Variants in BPTF observed in about 807,000 individuals in gnomAD.
BPTF encodes bromodomain PHD finger transcription factor, also known as nucleosome-remodeling factor subunit BPTF.
A neutral mutation model predicts 292.5 loss-of-function variants in BPTF; 18 were observed. That is an observed-to-expected ratio of 0.06 (90% CI 0.04 to 0.09). The LOEUF (loss-of-function observed/expected upper bound fraction) is 0.09, where lower values mean the gene tolerates loss of function less well. Ranked by LOEUF, BPTF falls within the 10% of genes least tolerant of loss-of-function variation. The probability of loss-of-function intolerance (pLI) is 1.00; values close to 1 mark genes in which losing one functional copy is unlikely to be tolerated. For synonymous variants in BPTF, 1,225 were observed against 1,251.9 expected (o/e 0.98, Z 0.45); for missense variants, 2,726 against 3,498.7 (o/e 0.78, Z 5.57).
intron 1 of BPTF, among the ~76,000 whole-genome samples, chr17:67,834,938 C>T (rs1009228826): frequency 3.3e-5 from 5 of 152,148 alleles, no homozygotes; most frequent in Admixed American, 1.3e-4. Flanking sequence ...GCAGGCCAAG[C>T]GTGGTGGCTC....
chr17:67,860,273 A>G (rs2058997115), intron 2 of BPTF, among the ~76,000 whole-genome samples: 2 of 152,240 alleles, frequency 1.3e-5, no homozygotes, highest in Admixed American at 1.3e-4. Flanking sequence ...TGAGATTAAA[A>G]TAATTTCAGT....
chr17:67,966,295 C>A, intron 25 of BPTF: 1 of 322,124 alleles, frequency 3.1e-6, no homozygotes, highest in Non-Finnish European at 5.9e-6. Context: ...CACTCAGTGA[C>A]GGCTCATCAT....
intron 3 of BPTF, among the ~76,000 whole-genome samples, chr17:67,870,489 T>A (rs2059656133): frequency 6.6e-6 from 1 of 152,146 alleles, no homozygotes; most frequent in Non-Finnish European, 1.5e-5. Flanking sequence ...AATTCCCGAT[T>A]AAAACACCAG....
intron 18 of BPTF, among the ~76,000 whole-genome samples, chr17:67,938,437 AGAAAGAG>A (rs1382590583): frequency 5.9e-5 from 9 of 152,226 alleles, no homozygotes; most frequent in African/African-American, 2.2e-4. Context: ...AAAATTTAGA[AGAAAGAG>A]TAATAATGGA....
At chr17:67,966,361 C>G (rs375116157) in intron 25 of BPTF, 3 of 480,040 alleles carry the variant, frequency 6.2e-6, no homozygotes, top group South Asian at 2.4e-5. Context: ...ATTCCCAACA[C>G]AAAGTCTTCT....
intron 23 of BPTF, chr17:67,956,325 AAAAAAAAAAAAAGACAGGGTCTCACTTT>A (rs2066936206): frequency 6.6e-6 from 1 of 151,136 alleles, no homozygotes. Context: ...TCTCAAAAAA[AAAAAAAAAAAAAGACAGGGTCTCACTTT>A]GTCACCTATG....
In BPTF at chr17:67,895,025, G is replaced by A. The variant is rs62085978; in HGVS notation, c.2543+860G>A. ...AATATTTAAGGGCATAAAGCAAAAA[G>A]TAAGAACCATTTTATCTTCTCTGCC... On this transcript the variant is annotated intron_variant, in intron 7 of 27. Coordinates refer to ENST00000306378, the MANE Select transcript of BPTF (RefSeq NM_182641.4). 7.1e-3 allele frequency among the ~76,000 whole-genome samples: 1,082 copies of A among 152,270 alleles called. 5 individuals carry two copies. The highest frequency in any genetic ancestry group is 0.017 in the Middle Eastern group (5 of 294).
chr17:67,894,240 G>T, intron 7 of BPTF, 75 bp downstream of exon 7: 1 of 1,453,418 alleles, frequency 6.9e-7, no homozygotes, highest in South Asian at 1.3e-5. Flanking sequence ...AATAATGAAA[G>T]TTAATATATT....
chr17:67,938,875 G>T (rs2147779366), intron 18 of BPTF, among the ~76,000 whole-genome samples: 1 of 152,332 alleles, frequency 6.6e-6, no homozygotes, highest in East Asian at 1.9e-4. Flanking sequence ...TGTGTGGAGA[G>T]TGAATTCACA....
chr17:67,900,089 T>C (rs1005151544), intron 7 of BPTF, among the ~76,000 whole-genome samples: 4 of 151,794 alleles, frequency 2.6e-5, no homozygotes, highest in Non-Finnish European at 4.4e-5. Flanking sequence ...TAGGAATAAT[T>C]GTGTGTGTGC....
intron 25 of BPTF, 65 bp downstream of exon 25, chr17:67,964,469 TA>T (rs2067810956): frequency 6.7e-7 from 1 of 1,501,146 alleles, no homozygotes; most frequent in Non-Finnish European, 9.0e-7. Flanking sequence ...GAAGCATTTC[TA>T]GGATTTCAAG....
chr17:67,827,650 A>T (rs2056217087), intron 1 of BPTF, among the ~76,000 whole-genome samples: 1 of 152,144 alleles, frequency 6.6e-6, no homozygotes, highest in Non-Finnish European at 1.5e-5. Flanking sequence ...TCTCAGAGAG[A>T]CTAGGGTAGT....
At chr17:67,884,988 T>TG (rs2060658388) in intron 4 of BPTF, among the ~76,000 whole-genome samples, 1 of 152,222 alleles carries the variant, frequency 6.6e-6, no homozygotes. Context: ...TATTTCCATA[T>TG]GCCTAAAGGC....
Position 67,946,274 on chromosome 17 carries a change from G to A in BPTF, c.7566G>A (p.Lys2522=). 6.2e-7 allele frequency: 1 copy of A among 1,614,118 alleles called. No individual in the cohort carries two copies. Among genetic ancestry groups the A allele is most frequent in the South Asian group, 1.1e-5 (1 of 91,088 alleles). The part of the protein sequence containing the change: ...QKKKQQQIEI[K]REHTLQASNQ... ...AGAAACAGCAACAGATAGAAATTAA[G>A]CGTGAACACACCCTCCAAGCTTCTA... Residue 2522 remains lysine (K), a synonymous_variant, in exon 21 of 28, where the codon AAG becomes AAA. Transcript: ENST00000306378.
chr17:67,952,452 G>A (rs1304206101), intron 23 of BPTF, among the ~76,000 whole-genome samples: 9 of 151,920 alleles, frequency 5.9e-5, no homozygotes, highest in Non-Finnish European at 8.8e-5. Context: ...CAGTAGAGAT[G>A]GGGTTTCACC....
At chr17:67,982,023 A>ATT (rs2070470800) in intron 27 of BPTF, 1 of 135,320 alleles carries the variant, frequency 7.4e-6, no homozygotes, top group African/African-American at 3.7e-5. Flanking sequence ...ATATATATAT[A>ATT]TTTAAATATT....
intron 18 of BPTF, among the ~76,000 whole-genome samples, chr17:67,937,408 T>A (rs1311189674): frequency 6.6e-6 from 1 of 151,250 alleles, no homozygotes; most frequent in Non-Finnish European, 1.5e-5. Context: ...GAAAAGTACT[T>A]AGAAAAACTG....
chr17:67,868,382 G>T (rs2059511805), intron 3 of BPTF, among the ~76,000 whole-genome samples: 1 of 152,122 alleles, frequency 6.6e-6, no homozygotes, highest in African/African-American at 2.4e-5. Flanking sequence ...TATTCTCAGG[G>T]ATTGCTTCCA....
At chr17:67,918,676 A>C (rs372078899) in intron 11 of BPTF, 38 bp from the exon 12 acceptor site, 1 of 1,583,300 alleles carries the variant, frequency 6.3e-7, no homozygotes, top group South Asian at 1.1e-5. Context: ...ATGTATATAC[A>C]TATAGATATA....
Sources: gnomAD v4.1 joint callset for allele counts (sites outside exome capture counted in the v4.1 genomes callset) on GRCh38, gnomAD v4.1.1 for gene constraint, MANE v1.5 for transcripts, NCBI Gene and HGNC (gene_info 2026-07-23, HGNC 2026-07-21) for gene names.